PDHA1: variants seen among roughly 807,000 people sequenced by gnomAD.
PDHA1 encodes the protein pyruvate dehydrogenase E1 subunit alpha 1.
PDHA1 carries 1 observed loss-of-function variant against 33.0 expected under a neutral mutation model. That is an observed-to-expected ratio of 0.03 (90% CI 0.01 to 0.14). The LOEUF (loss-of-function observed/expected upper bound fraction) is 0.14. PDHA1 is among the 10% of genes least tolerant of loss of function. The pLI is 1.00. For missense variants in PDHA1, 168 were observed against 325.1 expected (o/e 0.52, Z 3.72); for synonymous variants, 123 against 119.2 (o/e 1.03, Z -0.21).
At chrX:19,358,890 C>G (rs377027628) in intron 9 of PDHA1, 26 bp from the exon 10 acceptor site, 1 of 893,488 alleles carries the variant, frequency 1.1e-6, no homozygotes, top group East Asian at 3.1e-5. Flanking sequence ...TCTTACTGAT[C>G]GATTACTACT....
chrX:19,357,167 G>A lies in PDHA1; in HGVS notation c.832-485G>A, dbSNP rs377050865. On this transcript the variant is annotated intron_variant, in intron 8 of 10. Transcript: ENST00000422285. ...TTTTTTCACAGGGTCTCGCGCAGTG[G>A]CACACTCACAGCTCACTGCACCCTT... is the stretch of plus-strand genomic sequence containing the variant. Among the ~76,000 whole-genome samples, 12 of 112,248 alleles carry A rather than the reference G, an allele frequency of 1.1e-4. No individual in the cohort carries two copies. The East Asian group carries it at 1.7e-3, about 16-fold the overall frequency.
At chrX:19,355,115 A>G (rs1320274711) in intron 6 of PDHA1, among the ~76,000 whole-genome samples, 1 of 112,019 alleles carries the variant, frequency 8.9e-6, no homozygotes, top group Non-Finnish European at 1.9e-5. Flanking sequence ...GCATGGCCCC[A>G]AAGAAACAAG....
chrX:19,359,492 A>G lies in PDHA1; in HGVS notation c.1012A>G (p.Ile338Val). Residue 338 changes from isoleucine to valine, a missense_variant, in exon 11 of 11, where the codon ATT (isoleucine) becomes GTT (valine). Coordinates refer to ENST00000422285, the MANE Select transcript of PDHA1 (RefSeq NM_000284.4). ...TACACTGTTACCTAATTTTTAGGAA[A>G]TTGATGTGGAAGTGAGGAAGGAGAT... ...NLASVEELKE[I>V]DVEVRKEIED... 8.3e-7 allele frequency: 1 copy of G among 1,208,693 alleles called. No individual in the cohort carries two copies. The highest frequency in any genetic ancestry group is 1.1e-6 in the Non-Finnish European group (1 of 892,815).
At chrX:19,358,078 A>AC (rs1374639936) in intron 9 of PDHA1, among the ~76,000 whole-genome samples, 1 of 112,184 alleles carries the variant, frequency 8.9e-6, no homozygotes, top group Non-Finnish European at 1.9e-5. Flanking sequence ...ACTCTACCTG[A>AC]AGAGGATCAG....
chrX:19,361,338 C>G lies in PDHA1; in HGVS notation c.*1685C>G, dbSNP rs377382652. Reference sequence around the variant, plus strand: ...TATACAAACTGTTTTGAGGCTCTTACCGTAGTCGAAGGTATCTTAGATCTT... The same window carrying G: ...TATACAAACTGTTTTGAGGCTCTTAGCGTAGTCGAAGGTATCTTAGATCTT... On this transcript the variant is annotated 3_prime_UTR_variant, in exon 11 of 11. Transcript: ENST00000422285. The G allele has an allele frequency of 7.5e-6, 9 of 1,196,853 alleles. No individual in the cohort carries two copies. Among genetic ancestry groups the G allele is most frequent in the Non-Finnish European group, 1.0e-5 (9 of 883,339 alleles).
Position 19,359,697 on chromosome X carries a change from A to G in PDHA1, c.*44A>G, listed in dbSNP as rs913963221. The G allele has an allele frequency of 1.8e-6, 2 of 1,109,935 alleles. No individual in the cohort carries two copies. The highest frequency in any genetic ancestry group is 3.6e-5 in the African/African-American group (2 of 55,096). 91.5% of individuals were successfully genotyped at this position (1,109,935 alleles called of 1,213,427 possible). A position where few individuals can be genotyped will look rare whatever the true frequency, so the allele number is the denominator to read the frequency against. ...TTATACCTTCAGGGGGCTACCAGAC[A>G]GTGTTCTCAACTTGGTTAAGGAGGA... On this transcript the variant is annotated 3_prime_UTR_variant, in exon 11 of 11. Coordinates refer to ENST00000422285, the MANE Select transcript of PDHA1 (RefSeq NM_000284.4).
At position 19,359,056 on chromosome X, in the gene PDHA1, T is replaced by C. The variant is rs772994979; in HGVS notation, c.1008+32T>C. ...TCACTTGTTCATGGTGGTTTGAAGG[T>C]TGGCTTTAAAAGTTGCCACCCCTGG... is the stretch of plus-strand genomic sequence containing the variant. On this transcript the variant is annotated intron_variant, in intron 10 of 10. Coordinates refer to ENST00000422285, the MANE Select transcript of PDHA1 (RefSeq NM_000284.4). 4 of 996,185 alleles carry C rather than the reference T, an allele frequency of 4.0e-6. No homozygotes were observed. The East Asian group carries it at 9.2e-5, about 23-fold the overall frequency. The allele number at this position is 996,185 out of a possible 1,213,427, so 82.1% of individuals were successfully genotyped here. A position where few individuals can be genotyped will look rare whatever the true frequency, so the allele number is the denominator to read the frequency against.
chrX:19,348,654 C>CA (rs2063147224), intron 1 of PDHA1, among the ~76,000 whole-genome samples: 2 of 112,619 alleles, frequency 1.8e-5, no homozygotes, highest in African/African-American at 6.4e-5. Flanking sequence ...CTAAGAATGG[C>CA]ATGAAAAGGC....
At chrX:19,354,754 T>C (rs2063184144) in intron 6 of PDHA1, among the ~76,000 whole-genome samples, 171 bp downstream of exon 6, 1 of 113,028 alleles carries the variant, frequency 8.8e-6, no homozygotes, top group Non-Finnish European at 1.9e-5. Flanking sequence ...CTCTTAGCGT[T>C]GTTTCACAAG....
intron 7 of PDHA1, 23 bp downstream of exon 7, chrX:19,355,527 CG>C (rs757568490): frequency 1.0e-5 from 12 of 1,189,806 alleles, no homozygotes; most frequent in South Asian, 1.8e-5. Flanking sequence ...GTGGTGGGGC[CG>C]GGGCCAAGGC....
At chrX:19,356,976 T>G (rs1228136745) in intron 8 of PDHA1, among the ~76,000 whole-genome samples, 1 of 111,908 alleles carries the variant, frequency 8.9e-6, no homozygotes, top group Non-Finnish European at 1.9e-5. Context: ...GCCTTGGGGT[T>G]TGGGTAGCAG....
intron 1 of PDHA1, among the ~76,000 whole-genome samples, chrX:19,345,266 G>T (rs1602220741): frequency 9.0e-6 from 1 of 110,668 alleles, no homozygotes; most frequent in South Asian, 3.8e-4. Context: ...TAGGAATCCT[G>T]TTGCCTAAAA....
chrX:19,357,795 G>A, intron 9 of PDHA1, 76 bp downstream of exon 9: 1 of 812,133 alleles, frequency 1.2e-6, no homozygotes, highest in Non-Finnish European at 1.9e-6. Flanking sequence ...ACACATTTCA[G>A]TATTTGCTTT....
At chrX:19,352,664 C>T (rs2063171589) in intron 4 of PDHA1, among the ~76,000 whole-genome samples, 1 of 112,228 alleles carries the variant, frequency 8.9e-6, no homozygotes, top group South Asian at 3.7e-4. Context: ...GGGTTTGCAT[C>T]CTGAGAATAT....
At chrX:19,355,617 G>A in intron 7 of PDHA1, 69 bp from the exon 8 acceptor site, 1 of 1,132,920 alleles carries the variant, frequency 8.8e-7, no homozygotes, top group Non-Finnish European at 1.2e-6. Context: ...TACAGGAGCA[G>A]GTCATGTGAA....
At chrX:19,355,662 C>T (rs769988742) in intron 7 of PDHA1, 24 bp from the exon 8 acceptor site, 53 of 1,179,475 alleles carry the variant, frequency 4.5e-5, no homozygotes, top group African/African-American at 1.6e-4. Flanking sequence ...ATTCATGCTT[C>T]GCCCCTCCCC....
chrX:19,359,856 TTTTTGACTTAA>T lies in PDHA1; in HGVS notation c.*204_*214del, dbSNP rs1455731340. On this transcript the variant is annotated 3_prime_UTR_variant, in exon 11 of 11. Transcript: ENST00000422285. ...TGAATTATTGAGTGCTTAAAGATTA[TTTTTGACTTAA>T]AATAGTATACTTTGAACAAATACTC... The T allele has an allele frequency of 6.5e-6, 3 of 462,682 alleles. No homozygotes were observed. The highest frequency in any genetic ancestry group is 6.1e-5 in the Admixed American group (2 of 32,804). 38.1% of individuals were successfully genotyped at this position (462,682 alleles called of 1,213,427 possible). A position where few individuals can be genotyped will look rare whatever the true frequency, so the allele number is the denominator to read the frequency against.
Position 19,360,987 on chromosome X carries a change from T to A in PDHA1, c.*1334T>A. On this transcript the variant is annotated 3_prime_UTR_variant, in exon 11 of 11. Coordinates refer to ENST00000422285, the MANE Select transcript of PDHA1 (RefSeq NM_000284.4). ...TCCCAGCAGTAGTAGGACATGGCCT[T>A]AGAGGTACGTACCTGCAGAGAGCTG... is the stretch of plus-strand genomic sequence containing the variant. 1 of 436,272 alleles carries A rather than the reference T, an allele frequency of 2.3e-6. No individual in the cohort carries two copies. The highest frequency in any genetic ancestry group is 3.9e-6 in the Non-Finnish European group (1 of 254,787). The allele number at this position is 436,272 out of a possible 1,213,427, so 36.0% of individuals were successfully genotyped here. A position where few individuals can be genotyped will look rare whatever the true frequency, so the allele number is the denominator to read the frequency against.
At chrX:19,355,898 TC>T (rs2063194008) in intron 8 of PDHA1, 141 bp downstream of exon 8, 1 of 519,066 alleles carries the variant, frequency 1.9e-6, no homozygotes, top group African/African-American at 2.3e-5. Flanking sequence ...GGAGCAGGGC[TC>T]CTTTGGGTAG....
Sources: gnomAD v4.1 joint callset for allele counts (sites outside exome capture counted in the v4.1 genomes callset) on GRCh38, gnomAD v4.1.1 for gene constraint, MANE v1.5 for transcripts, NCBI Gene and HGNC (gene_info 2026-07-23, HGNC 2026-07-21) for gene names.